DCLK2: variants seen among roughly 807,000 people sequenced by gnomAD.
The protein encoded by DCLK2 is doublecortin like kinase 2.
A neutral mutation model predicts 78.4 loss-of-function variants in DCLK2; 31 were observed. The ratio of observed to expected loss-of-function variants is 0.40; its 90% CI spans 0.30 to 0.53. The LOEUF is 0.53. DCLK2 is among the 20% of genes least tolerant of loss of function. DCLK2 has a pLI of 0.61. For synonymous variants in DCLK2, 407 were observed against 374.9 expected, an observed-to-expected ratio of 1.09 and a Z score of -0.99; for missense variants, 872 against 973.7, an observed-to-expected ratio of 0.90 and a Z score of 1.39.
chr4:150,256,079 C>A lies in DCLK2; in HGVS notation c.2133C>A (p.Gly711=). The change falls in exon 16 of 16, where the codon GGC becomes GGA. Residue 711 remains glycine (G), a synonymous_variant. Transcript: ENST00000296550. ...IFCSKHCQDS[G]RPGMEPISPV... ...GCAGCAAGCACTGTCAAGACAGCGG[C>A]AGGCCTGGGATGGAGCCCATCTCTC... The A allele has an allele frequency of 6.2e-7, 1 of 1,613,230 alleles. No individual in the cohort carries two copies. The highest frequency in any genetic ancestry group is 8.5e-7 in the Non-Finnish European group (1 of 1,179,952).
chr4:150,114,578 G>C (rs551735257), intron 2 of DCLK2, among the ~76,000 whole-genome samples: 76 of 152,270 alleles, frequency 5.0e-4, no homozygotes, highest in African/African-American at 1.5e-3. Flanking sequence ...CTTTTAGCAG[G>C]CTGGTCTGGT....
intron 2 of DCLK2, among the ~76,000 whole-genome samples, chr4:150,166,318 C>T (rs530889457): frequency 6.6e-6 from 1 of 150,910 alleles, no homozygotes; most frequent in South Asian, 2.1e-4. Flanking sequence ...AGCGGGACCC[C>T]ATCTCTACAT....
intron 2 of DCLK2, among the ~76,000 whole-genome samples, chr4:150,111,568 A>G (rs1321814637): frequency 7.8e-6 from 1 of 128,328 alleles, no homozygotes; most frequent in Non-Finnish European, 1.8e-5. Context: ...AATGTCCAGA[A>G]GAGCTTTTCC....
chr4:150,239,651 T>A, intron 10 of DCLK2, 91 bp from the exon 11 acceptor site: 1 of 1,454,812 alleles, frequency 6.9e-7, no homozygotes, highest in Non-Finnish European at 9.4e-7. Context: ...ATAGTAAATG[T>A]ATTTGTGTCC....
chr4:150,158,115 G>A (rs1330631483), intron 2 of DCLK2, among the ~76,000 whole-genome samples: 2 of 152,176 alleles, frequency 1.3e-5, no homozygotes, highest in African/African-American at 4.8e-5. Flanking sequence ...TTCTGGAGAT[G>A]AGAAGAAGTT....
intron 2 of DCLK2, among the ~76,000 whole-genome samples, chr4:150,135,095 G>C (rs1191896898): frequency 2.0e-5 from 3 of 151,658 alleles, no homozygotes; most frequent in Non-Finnish European, 2.9e-5. Flanking sequence ...AATTTTGGAA[G>C]ATTGTCTTTC....
At chr4:150,150,504 GAAAAAT>G (rs1277121031) in intron 2 of DCLK2, among the ~76,000 whole-genome samples, 3 of 152,040 alleles carry the variant, frequency 2.0e-5, no homozygotes, top group Non-Finnish European at 4.4e-5. Context: ...AAAATAAGGA[GAAAAAT>G]AAAAATAAAA....
At chr4:150,141,167 T>C (rs113202086) in intron 2 of DCLK2, among the ~76,000 whole-genome samples, 12 of 152,226 alleles carry the variant, frequency 7.9e-5, no homozygotes, top group African/African-American at 1.2e-4. Context: ...CACTAGGCAA[T>C]ATGTCAGTAA....
chr4:150,256,583 T>G lies in DCLK2; in HGVS notation c.*336T>G. Reference sequence around the variant, plus strand: ...TGTGCAACTTTATTCCAGCATTCGATGCATTTTTATAGAAACACTTTGGAA... The same window carrying G: ...TGTGCAACTTTATTCCAGCATTCGAGGCATTTTTATAGAAACACTTTGGAA... On this transcript the variant is annotated 3_prime_UTR_variant, in exon 16 of 16. Coordinates refer to ENST00000296550, the MANE Select transcript of DCLK2 (RefSeq NM_001040260.4). 1 of 282,620 alleles carries G rather than the reference T, an allele frequency of 3.5e-6. No homozygotes were observed. Among genetic ancestry groups the G allele is most frequent in the Admixed American group, 4.9e-5 (1 of 20,306 alleles). 17.5% of individuals were successfully genotyped at this position (282,620 alleles called of 1,614,324 possible).
chr4:150,140,591 A>G (rs1314498524), intron 2 of DCLK2, among the ~76,000 whole-genome samples: 2 of 152,260 alleles, frequency 1.3e-5, no homozygotes, highest in Non-Finnish European at 2.9e-5. Context: ...CCTTATGCTC[A>G]TGACATATCT....
At chr4:150,187,911 CT>C (rs1308346866) in intron 2 of DCLK2, among the ~76,000 whole-genome samples, 1 of 151,904 alleles carries the variant, frequency 6.6e-6, no homozygotes. Context: ...GCGATTCCCC[CT>C]GCTTCAGCCT....
At position 150,095,361 on chromosome 4, in the gene DCLK2, C is replaced by T. The variant is rs1025481693; in HGVS notation, c.422-7117C>T. Among the ~76,000 whole-genome samples the T allele has an allele frequency of 2.0e-5, 3 of 152,338 alleles. 1 individual carries two copies. The highest frequency in any genetic ancestry group is 6.5e-5 in the Admixed American group (1 of 15,306). On this transcript the variant is annotated intron_variant, in intron 1 of 15. Coordinates refer to ENST00000296550, the MANE Select transcript of DCLK2 (RefSeq NM_001040260.4). The stretch of plus-strand genomic sequence containing the variant: ...TATAGTTTACTTTTTCCATTTCAAA[C>T]TCTGTATGAATTAAATCATAGCACA...
chr4:150,158,241 T>G (rs1447909364), intron 2 of DCLK2, among the ~76,000 whole-genome samples: 2 of 152,154 alleles, frequency 1.3e-5, no homozygotes, highest in African/African-American at 4.8e-5. Context: ...TGTGTCCACA[T>G]TTTCTTCTCT....
chr4:150,187,803 CTTT>C (rs11415812), intron 2 of DCLK2, among the ~76,000 whole-genome samples: 2 of 137,574 alleles, frequency 1.5e-5, no homozygotes, highest in Non-Finnish European at 1.5e-5. Context: ...CTCAGTTGTA[CTTT>C]TTTTTTTTTT....
chr4:150,199,245 T>C (rs1047497281), intron 4 of DCLK2, among the ~76,000 whole-genome samples: 1 of 152,232 alleles, frequency 6.6e-6, no homozygotes, highest in Non-Finnish European at 1.5e-5. Context: ...TTTAGCCTCC[T>C]CTATTTATTA....
At chr4:150,224,630 A>G in intron 8 of DCLK2, 72 bp downstream of exon 8, 2 of 1,307,734 alleles carry the variant, frequency 1.5e-6, no homozygotes, top group Middle Eastern at 1.9e-4. Flanking sequence ...GTGATGAAGG[A>G]ATTTAAGTGG....
chr4:150,149,361 G>C (rs971769267), intron 2 of DCLK2, among the ~76,000 whole-genome samples: 3 of 152,112 alleles, frequency 2.0e-5, no homozygotes, highest in Admixed American at 6.6e-5. Context: ...GTGTAAACAG[G>C]TTTGGGAGGA....
intron 7 of DCLK2, 110 bp downstream of exon 7, chr4:150,221,895 C>G: frequency 1.5e-6 from 1 of 667,364 alleles, no homozygotes; most frequent in South Asian, 2.6e-5. Flanking sequence ...TTTAAAAAGG[C>G]CCTTCTGGAA....
At chr4:150,122,098 T>G (rs550377001) in intron 2 of DCLK2, among the ~76,000 whole-genome samples, 1 of 152,306 alleles carries the variant, frequency 6.6e-6, no homozygotes, top group East Asian at 1.9e-4. Context: ...GAGCATTGGC[T>G]TCTTTTACTC....
Sources: gnomAD v4.1 joint callset for allele counts (sites outside exome capture counted in the v4.1 genomes callset) on GRCh38, gnomAD v4.1.1 for gene constraint, MANE v1.5 for transcripts, NCBI Gene and HGNC (gene_info 2026-07-23, HGNC 2026-07-21) for gene names.